PRKACB: variants seen among roughly 807,000 people sequenced by gnomAD.
PRKACB encodes protein kinase cAMP-activated catalytic subunit beta.
A neutral mutation model predicts 51.4 loss-of-function variants in PRKACB; 16 were observed. That is an observed-to-expected ratio of 0.31 (90% CI 0.21 to 0.47). The LOEUF (loss-of-function observed/expected upper bound fraction) is 0.47. Ranked by LOEUF, PRKACB falls within the 20% of genes least tolerant of loss-of-function variation. The pLI is 1.00. For missense variants in PRKACB, 309 were observed against 464.5 expected, an observed-to-expected ratio of 0.67 and a Z score of 3.08; for synonymous variants, 147 against 154.4, an observed-to-expected ratio of 0.95 and a Z score of 0.35.
chr1:84,159,441 T>C (rs1169909392), intron 1 of PRKACB, among the ~76,000 whole-genome samples: 2 of 152,142 alleles, frequency 1.3e-5, no homozygotes, highest in Non-Finnish European at 2.9e-5. Flanking sequence ...TATTGATTTT[T>C]ATATTGATCT....
At chr1:84,167,834 A>G (rs1299861848) in intron 1 of PRKACB, among the ~76,000 whole-genome samples, 1 of 151,480 alleles carries the variant, frequency 6.6e-6, no homozygotes, top group Non-Finnish European at 1.5e-5. Context: ...TTCCTTTATC[A>G]ACTTTGTAGG....
intron 5 of PRKACB, among the ~76,000 whole-genome samples, chr1:84,186,882 T>C (rs919864524): frequency 2.6e-4 from 39 of 152,262 alleles, no homozygotes; most frequent in Admixed American, 1.6e-3. Context: ...TTCCCACTTA[T>C]CACTTCCATA....
intron 5 of PRKACB, among the ~76,000 whole-genome samples, chr1:84,196,283 A>ATT (rs992947620): frequency 2.0e-5 from 3 of 152,294 alleles, no homozygotes; most frequent in African/African-American, 7.2e-5. Context: ...CATTTGGCAC[A>ATT]TTTGCTTTCC....
chr1:84,128,900 C>T (rs983356592), intron 1 of PRKACB, among the ~76,000 whole-genome samples: 2 of 152,102 alleles, frequency 1.3e-5, no homozygotes, highest in South Asian at 2.1e-4. Context: ...GGCTGTTGAG[C>T]ACTTGAAATC....
chr1:84,165,145 C>A, intron 1 of PRKACB: 3 of 708,358 alleles, frequency 4.2e-6, no homozygotes, highest in Non-Finnish European at 6.5e-6. Flanking sequence ...CGCTTTTGTA[C>A]TTAGGCATTA....
chr1:84,123,962 A>G (rs948846774), intron 1 of PRKACB, among the ~76,000 whole-genome samples: 1 of 152,184 alleles, frequency 6.6e-6, no homozygotes, highest in Non-Finnish European at 1.5e-5. Context: ...CTGGAAATGC[A>G]TAGCTCCCTA....
chr1:84,100,345 T>A (rs1049836128), intron 1 of PRKACB, among the ~76,000 whole-genome samples: 1 of 152,088 alleles, frequency 6.6e-6, no homozygotes, highest in Non-Finnish European at 1.5e-5. Flanking sequence ...AAGATTTGAG[T>A]GGGGACACAG....
intron 1 of PRKACB, among the ~76,000 whole-genome samples, chr1:84,175,570 T>C (rs1376451524): frequency 6.6e-6 from 1 of 151,784 alleles, no homozygotes; most frequent in Middle Eastern, 3.2e-3. Context: ...GATGAAGTTA[T>C]GCTGTGCCTG....
chr1:84,087,262 A>G (rs1648089084), intron 1 of PRKACB, among the ~76,000 whole-genome samples: 1 of 152,258 alleles, frequency 6.6e-6, no homozygotes, highest in Admixed American at 6.5e-5. Context: ...TAGAAAAATT[A>G]AAGTTACATG....
chr1:84,080,029 A>G (rs1430111632), intron 1 of PRKACB, among the ~76,000 whole-genome samples: 2 of 152,234 alleles, frequency 1.3e-5, no homozygotes, highest in African/African-American at 4.8e-5. Flanking sequence ...TAAAGAATGC[A>G]AAAAGTATAA....
intron 1 of PRKACB, among the ~76,000 whole-genome samples, chr1:84,178,211 A>G (rs972901075): frequency 4.6e-5 from 7 of 152,072 alleles, no homozygotes; most frequent in Non-Finnish European, 5.9e-5. Context: ...ATACTACTGT[A>G]TCATTGAGAA....
intron 1 of PRKACB, among the ~76,000 whole-genome samples, chr1:84,084,680 G>A (rs951332094): frequency 1.3e-5 from 2 of 152,166 alleles, no homozygotes; most frequent in African/African-American, 4.8e-5. Flanking sequence ...TTGCATGTGG[G>A]AAATGAGGAA....
intron 1 of PRKACB, among the ~76,000 whole-genome samples, chr1:84,135,268 A>C (rs1652684923): frequency 6.6e-6 from 1 of 152,186 alleles, no homozygotes. Flanking sequence ...CAAAGTATCA[A>C]AATACTTGAA....
intron 8 of PRKACB, among the ~76,000 whole-genome samples, chr1:84,209,792 G>T (rs1671866997): frequency 6.6e-6 from 1 of 152,090 alleles, no homozygotes; most frequent in Non-Finnish European, 1.5e-5. Context: ...ATCTTATTTT[G>T]TTTACTTATA....
At chr1:84,113,524 C>A (rs190996496) in intron 1 of PRKACB, among the ~76,000 whole-genome samples, 116 of 152,200 alleles carry the variant, frequency 7.6e-4, no homozygotes, top group Non-Finnish European at 1.4e-3. Context: ...AGAAAAATAG[C>A]CAAGAGAGCT....
At chr1:84,171,802 T>C (rs1490956190) in intron 1 of PRKACB, among the ~76,000 whole-genome samples, 1 of 151,566 alleles carries the variant, frequency 6.6e-6, no homozygotes, top group East Asian at 1.9e-4. Flanking sequence ...GATTTCAGAA[T>C]TGATAACAGA....
Position 84,173,378 on chromosome 1 carries a change from A to G in PRKACB, c.188-5799A>G, listed in dbSNP as rs1249041502. 2.6e-6 allele frequency: 4 copies of G among 1,542,820 alleles called. No homozygotes were observed. The East Asian group carries it at 9.3e-5, about 36-fold the overall frequency. On this transcript the variant is annotated intron_variant, in intron 1 of 9. Coordinates refer to ENST00000370685, the MANE Select transcript of PRKACB (RefSeq NM_182948.4). ...GTAGGAAAACCCCTTTTTTTACAGA[A>G]TAATTCTGTTACTTTGATTATCGTA... is the stretch of plus-strand genomic sequence containing the variant.
At chr1:84,179,861 T>C (rs1041638851) in intron 2 of PRKACB, among the ~76,000 whole-genome samples, 2 of 151,582 alleles carry the variant, frequency 1.3e-5, no homozygotes, top group African/African-American at 4.8e-5. Context: ...GTTTGTTACA[T>C]AGGTATAAAT....
intron 1 of PRKACB, chr1:84,157,371 T>C (rs1655631465): frequency 6.6e-6 from 1 of 152,154 alleles, no homozygotes; most frequent in South Asian, 2.1e-4. Context: ...TCCTCCTCGG[T>C]AGAGAAGCAT....
Sources: gnomAD v4.1 joint callset for allele counts (sites outside exome capture counted in the v4.1 genomes callset) on GRCh38, gnomAD v4.1.1 for gene constraint, MANE v1.5 for transcripts, NCBI Gene and HGNC (gene_info 2026-07-23, HGNC 2026-07-21) for gene names.